HEATR5B: variants seen among roughly 807,000 people sequenced by gnomAD.
The protein encoded by HEATR5B is HEAT repeat containing 5B.
In HEATR5B, 156 loss-of-function variants were observed where a neutral mutation model predicts 224.1. That is an observed-to-expected ratio of 0.70 (90% confidence interval 0.61 to 0.80). The LOEUF is 0.80. Among genes scored for constraint, HEATR5B ranks in the 30% least tolerant of loss-of-function variants. HEATR5B has a pLI of 0.00. For synonymous variants in HEATR5B, 1,027 were observed against 893.0 expected (o/e 1.15, Z -2.68); for missense variants, 2,323 against 2,535.5 (o/e 0.92, Z 1.80).
Position 37,028,078 on chromosome 2 carries a change from T to C in HEATR5B, c.3698A>G (p.Glu1233Gly). The change falls in exon 24 of 36, where the codon GAA becomes GGA. Residue 1233 changes from glutamate (E) to glycine (G), a missense_variant. Coordinates refer to ENST00000233099, the MANE Select transcript of HEATR5B (RefSeq NM_019024.3). The part of the protein sequence containing the change: ...DDDTMFTTLG[E>G]EDKSKPFVAP... ...CACAAAGGGCTTTGATTTATCTTCTTCACCTAACGTGGTAAACATGGTATC... is the reference window on the plus strand; with the variant it reads ...CACAAAGGGCTTTGATTTATCTTCTCCACCTAACGTGGTAAACATGGTATC... 1 of 1,614,054 alleles carries C rather than the reference T, an allele frequency of 6.2e-7. No homozygotes were observed. The highest frequency in any genetic ancestry group is 8.5e-7 in the Non-Finnish European group (1 of 1,179,892).
chr2:36,999,616 T>C (rs1666954212), intron 33 of HEATR5B, among the ~76,000 whole-genome samples: 1 of 151,810 alleles, frequency 6.6e-6, no homozygotes, highest in Non-Finnish European at 1.5e-5. Flanking sequence ...GAGGCAAAGG[T>C]TGCAGTGAGC....
At chr2:37,041,698 T>C (rs1669882460) in intron 18 of HEATR5B, among the ~76,000 whole-genome samples, 1 of 152,044 alleles carries the variant, frequency 6.6e-6, no homozygotes, top group African/African-American at 2.4e-5. Context: ...TGAGCTGTGA[T>C]CACGCCACTG....
chr2:37,013,879 T>C lies in HEATR5B; in HGVS notation c.4246A>G (p.Thr1416Ala). Residue 1416 changes from threonine to alanine, a missense_variant, in exon 27 of 36, where the codon ACC (threonine) becomes GCC (alanine). Around this residue, in one of 12 missense-constraint regions of HEATR5B, gnomAD observed 844 missense variants for 812.9 expected, o/e 1.04. Coordinates refer to ENST00000233099, the MANE Select transcript of HEATR5B (RefSeq NM_019024.3). ...TTGAGAACAGCCAGTTTTTCCATGG[T>C]CGTGGCACTCTCTCGGTACAGCTGG... is the stretch of plus-strand genomic sequence containing the variant. ...SSQLYRESAT[T>A]MEKLAVLKAW... 6.2e-7 allele frequency: 1 copy of C among 1,610,566 alleles called. No individual in the cohort carries two copies.
At chr2:37,057,604 T>C (rs931108978) in intron 14 of HEATR5B, 124 bp from the exon 15 acceptor site, 2 of 574,832 alleles carry the variant, frequency 3.5e-6, no homozygotes, top group African/African-American at 3.9e-5. Flanking sequence ...TTCTCTTCTT[T>C]AAAAAAAATC....
At position 37,002,379 on chromosome 2, in the gene HEATR5B, T is replaced by G. The variant is rs1372157718; in HGVS notation, c.5244A>C (p.Ser1748=). The change falls in exon 32 of 36, where the codon TCA becomes TCC. Residue 1748 remains serine (S), a synonymous_variant. Coordinates refer to ENST00000233099, the MANE Select transcript of HEATR5B (RefSeq NM_019024.3). ...PSHIATKTRL[S]EESARLVAAT... is the part of the protein sequence containing the mutation. ...CTGCCACCAAACGAGCACTTTCTTCTGATAGTCGAGTTTTAGTGGCTATGT... is the reference window on the plus strand; with the variant it reads ...CTGCCACCAAACGAGCACTTTCTTCGGATAGTCGAGTTTTAGTGGCTATGT... The G allele has an allele frequency of 1.9e-6, 3 of 1,614,234 alleles. No homozygotes were observed. Among genetic ancestry groups the G allele is most frequent in the Middle Eastern group, 3.3e-4 (2 of 6,062 alleles).
chr2:37,003,466 G>T, intron 31 of HEATR5B, 76 bp downstream of exon 31: 1 of 1,068,726 alleles, frequency 9.4e-7, no homozygotes, highest in Non-Finnish European at 1.4e-6. Context: ...ATAGAAATAT[G>T]TCCTGGCGTT....
intron 21 of HEATR5B, among the ~76,000 whole-genome samples, chr2:37,036,789 G>A (rs1466605774): frequency 1.3e-5 from 2 of 152,116 alleles, no homozygotes; most frequent in Non-Finnish European, 2.9e-5. Flanking sequence ...TGGGATTACA[G>A]GCATGACCCA....
chr2:37,084,355 A>C lies in HEATR5B; in HGVS notation c.-109T>G. ...CGGATGCCCCACCTCCCGCACTCCT[A>C]CCTGCAGGAAACAAGGGAAGAGCGC... On this transcript the variant is annotated 5_prime_UTR_variant, in exon 1 of 36. Coordinates refer to ENST00000233099, the MANE Select transcript of HEATR5B (RefSeq NM_019024.3). 1.1e-4 allele frequency: 48 copies of C among 443,864 alleles called. No individual in the cohort carries two copies. Among genetic ancestry groups the C allele is most frequent in the Non-Finnish European group, 1.5e-4 (42 of 271,082 alleles). The allele number at this position is 443,864 out of a possible 1,614,324, so 27.5% of individuals were successfully genotyped here.
intron 6 of HEATR5B, among the ~76,000 whole-genome samples, chr2:37,071,679 C>CTT (rs869279842): frequency 7.2e-6 from 1 of 138,720 alleles, no homozygotes; most frequent in Non-Finnish European, 1.6e-5. Flanking sequence ...CATTTGGGTT[C>CTT]TTTTTTTTTT....
At chr2:37,008,086 G>A (rs1667547899) in intron 28 of HEATR5B, 1 of 156,432 alleles carries the variant, frequency 6.4e-6, no homozygotes, top group Admixed American at 6.3e-5. Context: ...GGGGGCGGGG[G>A]AACTCCATTA....
intron 8 of HEATR5B, among the ~76,000 whole-genome samples, chr2:37,067,228 T>C (rs1250734585): frequency 6.6e-6 from 1 of 152,096 alleles, no homozygotes; most frequent in Non-Finnish European, 1.5e-5. Flanking sequence ...AACTCTAGCT[T>C]TTGATTGCTA....
rs1572768003 is a variant in HEATR5B, at chr2:37,000,758, G to A, written c.5373C>T (p.Asp1791=). ...GATTATCTGCAGACTTTATTGCTGT[G>A]TCTTTCAATATTCTTGCAATTAAGA... ...ILFLIARILK[D]TAIKSADNQV... Residue 1791 remains aspartate (D), a synonymous_variant, in exon 33 of 36, where the codon GAC becomes GAT. Coordinates refer to ENST00000233099, the MANE Select transcript of HEATR5B (RefSeq NM_019024.3). 1 of 1,614,112 alleles carries A rather than the reference G, an allele frequency of 6.2e-7. No individual in the cohort carries two copies. Among genetic ancestry groups the A allele is most frequent in the Non-Finnish European group, 8.5e-7 (1 of 1,179,968 alleles).
intron 24 of HEATR5B, among the ~76,000 whole-genome samples, chr2:37,021,705 T>C (rs116405224): frequency 6.6e-6 from 1 of 151,912 alleles, no homozygotes; most frequent in Non-Finnish European, 1.5e-5. Flanking sequence ...CTGGGAAACA[T>C]GGTGAACCCC....
intron 16 of HEATR5B, among the ~76,000 whole-genome samples, chr2:37,056,022 T>G (rs1430751342): frequency 1.3e-5 from 2 of 152,212 alleles, no homozygotes; most frequent in African/African-American, 4.8e-5. Context: ...TTTCATCCAT[T>G]TACTTCCTCA....
At chr2:36,989,409 A>G (rs1457545640) in intron 34 of HEATR5B, among the ~76,000 whole-genome samples, 1 of 152,186 alleles carries the variant, frequency 6.6e-6, no homozygotes, top group African/African-American at 2.4e-5. Flanking sequence ...ATACTGTGAA[A>G]TAAGTTAGAA....
At chr2:37,039,210 T>C (rs1669722444) in intron 20 of HEATR5B, among the ~76,000 whole-genome samples, 1 of 150,908 alleles carries the variant, frequency 6.6e-6, no homozygotes, top group Admixed American at 6.6e-5. Context: ...CTCACGCCTG[T>C]AATCCCAGCA....
At chr2:37,000,480 A>G (rs1406862438) in intron 33 of HEATR5B, 106 bp downstream of exon 33, 1 of 802,874 alleles carries the variant, frequency 1.2e-6, no homozygotes, top group African/African-American at 1.7e-5. Context: ...CCTCTCTGAG[A>G]TGATTCATTG....
intron 34 of HEATR5B, 23 bp downstream of exon 34, chr2:36,990,625 T>C (rs749230323): frequency 1.4e-5 from 21 of 1,520,162 alleles, no homozygotes; most frequent in Admixed American, 2.2e-5. Flanking sequence ...TTTTTATCTA[T>C]GTCTGTGTAA....
At chr2:37,031,119 T>C (rs1396172850) in intron 22 of HEATR5B, among the ~76,000 whole-genome samples, 1 of 152,304 alleles carries the variant, frequency 6.6e-6, no homozygotes, top group South Asian at 2.1e-4. Context: ...CATTGCTGGG[T>C]TGCGATCTCT....
Sources: allele counts gnomAD v4.1 joint callset (sites outside exome capture counted in the v4.1 genomes callset), GRCh38; gene constraint gnomAD v4.1.1; regional missense constraint gnomAD v4.1.1; transcripts MANE v1.5; gene names NCBI Gene and HGNC (gene_info 2026-07-23, HGNC 2026-07-21).